Variants in GPX4 observed in about 807,000 individuals in gnomAD.
GPX4 encodes phospholipid hydroperoxide glutathione peroxidase GPX4.
In GPX4, 28 loss-of-function variants were observed where a neutral mutation model predicts 27.8. The ratio of observed to expected loss-of-function variants is 1.01; its 90% confidence interval spans 0.75 to 1.38. The LOEUF is 1.38. Among genes scored for constraint, GPX4 ranks in the 40% most tolerant of loss-of-function variants. GPX4 has a pLI of 0.00. For synonymous variants in GPX4, 163 were observed against 107.8 expected, an observed-to-expected ratio of 1.51 and a Z score of -3.17; for missense variants, 357 against 274.1, an observed-to-expected ratio of 1.30 and a Z score of -2.14.
At position 1,105,643 on chromosome 19, in the gene GPX4, C is replaced by G; in HGVS notation, c.325-15C>G. The G allele has an allele frequency of 6.2e-7, 1 of 1,611,578 alleles. No individual in the cohort carries two copies. Among genetic ancestry groups the G allele is most frequent in the Non-Finnish European group, 8.5e-7 (1 of 1,179,172 alleles). Reference sequence around the variant, plus strand: ...TGCCAGCCCCCGACTCACTCACACACCTTGGCCGCCACAGGAGCCAGGGAG... The same window carrying G: ...TGCCAGCCCCCGACTCACTCACACAGCTTGGCCGCCACAGGAGCCAGGGAG... On this transcript the variant is annotated splice_polypyrimidine_tract_variant and intron_variant, in intron 3 of 6. Transcript: ENST00000354171.
chr19:1,105,058 G>A (rs1313693746), intron 1 of GPX4, 128 bp from the exon 2 acceptor site: 3 of 1,479,240 alleles, frequency 2.0e-6, no homozygotes, highest in Non-Finnish European at 1.8e-6. Flanking sequence ...GAGGAGGAGC[G>A]TTCAGGTCTT....
intron 3 of GPX4, 22 bp downstream of exon 3, chr19:1,105,532 GC>G: frequency 7.5e-7 from 1 of 1,341,028 alleles, no homozygotes. Context: ...CGTCCCCGGG[GC>G]CCGCAGAGGC....
At position 1,106,396 on chromosome 19, in the gene GPX4, ACAGTTCCT is replaced by A. The variant is rs2079656641; in HGVS notation, c.502-1_508del. On this transcript the variant is annotated splice_acceptor_variant and splice_polypyrimidine_tract_variant and coding_sequence_variant and intron_variant, in exon 6 of 7. Transcript: ENST00000354171. LOFTEE classifies it high-confidence loss of function. The stretch of plus-strand genomic sequence containing the variant: ...CCCACAGTTTGGACACCGTCTCTCC[ACAGTTCCT>A]CATCGACAAGAACGGCTGCGTGGTG... The A allele has an allele frequency of 6.2e-7, 1 of 1,613,456 alleles. No homozygotes were observed. Among genetic ancestry groups the A allele is most frequent in the Non-Finnish European group, 8.5e-7 (1 of 1,179,912 alleles).
rs761888816 is a variant in GPX4 at position 1,105,750 on chromosome 19, C to T, written c.417C>T (p.Asp139=). The T allele has an allele frequency of 1.3e-5, 20 of 1,596,726 alleles. No homozygotes were observed. The highest frequency in any genetic ancestry group is 1.7e-4 in the Middle Eastern group (1 of 6,034). The change falls in exon 4 of 7, where the codon GAC becomes GAT. Residue 139 remains aspartate, a synonymous_variant. Coordinates refer to ENST00000354171, the MANE Select transcript of GPX4 (RefSeq NM_002085.5). ...GCAAGATCTGCGTGAACGGGGACGA[C>T]GCCCACCCGCTGTGGAAGTGGATGA... ...MFSKICVNGD[D]AHPLWKWMKI...
At position 1,106,544 on chromosome 19, in the gene GPX4, T is replaced by C. The variant is rs1322931515; in HGVS notation, c.566T>C (p.Ile189Thr). 3.7e-6 allele frequency: 6 copies of C among 1,613,000 alleles called. No individual in the cohort carries two copies. The African/African-American group carries it at 4.0e-5, about 11-fold the overall frequency. The change falls in exon 7 of 7, where the codon ATA becomes ACA. Residue 189 changes from isoleucine (I) to threonine (T), a missense_variant. Ile to Thr is a moderately conservative substitution (Grantham distance 89, BLOSUM62 -1). Coordinates refer to ENST00000354171, the MANE Select transcript of GPX4 (RefSeq NM_002085.5). Reference protein sequence around the residue: ...RYGPMEEPLVIEKDLPHYF With the variant: ...RYGPMEEPLVTEKDLPHYF Reference sequence around the variant, plus strand: ...CCCAGCTTTCCTCCCCGACAGGTGATAGAGAAGGACCTGCCCCACTATTTC... The same window carrying C: ...CCCAGCTTTCCTCCCCGACAGGTGACAGAGAAGGACCTGCCCCACTATTTC...
At chr19:1,105,949 C>T (rs2079647405) in intron 4 of GPX4, 140 bp downstream of exon 4, 12 of 1,062,886 alleles carry the variant, frequency 1.1e-5, no homozygotes, top group African/African-American at 1.6e-5. Flanking sequence ...CATCGCGTGG[C>T]CTCCTGGGGG....
At chr19:1,105,603 C>T in intron 3 of GPX4, 55 bp from the exon 4 acceptor site, 1 of 1,599,340 alleles carries the variant, frequency 6.3e-7, no homozygotes, top group Non-Finnish European at 8.5e-7. Context: ...GTGCAGGGGG[C>T]CCGGACTGAG....
intron 1 of GPX4, 196 bp from the exon 2 acceptor site, chr19:1,104,990 G>A (rs751836134): frequency 1.1e-5 from 16 of 1,467,972 alleles, no homozygotes; most frequent in Non-Finnish European, 1.4e-5. Context: ...ACCCTCTCCC[G>A]GCCTCCGGGT....
chr19:1,105,887 C>A, intron 4 of GPX4, 78 bp downstream of exon 4: 8 of 1,427,332 alleles, frequency 5.6e-6, no homozygotes, highest in South Asian at 2.5e-5. Context: ...CTCCCTGGGG[C>A]AGAATGGCTC....
Position 1,105,390 on chromosome 19 carries a change from C to G in GPX4, c.204C>G (p.Asn68Lys). ...KYRGFVCIVTNVASQUGKTEV... is the reference protein window; with the variant it reads ...KYRGFVCIVTKVASQUGKTEV... ...GGGGCTTCGTGTGCATCGTCACCAACGTGGCCTCCCAGTGAGGCAAGACCG... is the reference window on the plus strand; with the variant it reads ...GGGGCTTCGTGTGCATCGTCACCAAGGTGGCCTCCCAGTGAGGCAAGACCG... The change falls in exon 3 of 7, where the codon AAC becomes AAG. Residue 68 changes from asparagine (N) to lysine (K), a missense_variant. Coordinates refer to ENST00000354171, the MANE Select transcript of GPX4 (RefSeq NM_002085.5). The G allele has an allele frequency of 6.2e-7, 1 of 1,610,540 alleles. No individual in the cohort carries two copies. The highest frequency in any genetic ancestry group is 8.5e-7 in the Non-Finnish European group (1 of 1,178,064).
intron 4 of GPX4, 176 bp from the exon 5 acceptor site, chr19:1,106,066 G>T (rs2079649384): frequency 1.5e-6 from 1 of 685,696 alleles, no homozygotes; most frequent in African/African-American, 1.9e-5. Context: ...GGGGGCTGTT[G>T]GGACTCTCAC....
At position 1,106,263 on chromosome 19, in the gene GPX4, C is replaced by G. The variant is rs14283; in HGVS notation, c.498C>G (p.Thr166=). 3.8e-6 allele frequency: 6 copies of G among 1,599,268 alleles called. No homozygotes were observed. In the South Asian group the frequency reaches 4.4e-5, roughly 12 times the overall value. The stretch of plus-strand genomic sequence containing the variant: ...CCAGTGCCATCAAGTGGAACTTCAC[C>G]AAGGTAAGGGGGCTGTGGGGGGTAG... ...ILGNAIKWNF[T]KFLIDKNGCV... is the part of the protein sequence containing the mutation. Residue 166 remains threonine (T), a synonymous_variant, in exon 5 of 7, where the codon ACC becomes ACG. Transcript: ENST00000354171.
In GPX4 at chr19:1,106,662, G is replaced by A; in HGVS notation, c.*90G>A. ...ATGACGGCCTGCCTGCAAACCTGCT[G>A]GTGGGGCAGACCCGAAAATCCAGCG... On this transcript the variant is annotated 3_prime_UTR_variant, in exon 7 of 7. Transcript: ENST00000354171. 6.4e-7 allele frequency: 1 copy of A among 1,563,360 alleles called. No individual in the cohort carries two copies. The highest frequency in any genetic ancestry group is 1.1e-5 in the South Asian group (1 of 87,434).
chr19:1,106,531 C>T lies in GPX4; in HGVS notation c.562-9C>T. On this transcript the variant is annotated splice_polypyrimidine_tract_variant and intron_variant, in intron 6 of 6. Coordinates refer to ENST00000354171, the MANE Select transcript of GPX4 (RefSeq NM_002085.5). ...GTAGCTGCCCTAACCCAGCTTTCCT[C>T]CCCGACAGGTGATAGAGAAGGACCT... 6.2e-7 allele frequency: 1 copy of T among 1,613,116 alleles called. No homozygotes were observed. Among genetic ancestry groups the T allele is most frequent in the Non-Finnish European group, 8.5e-7 (1 of 1,179,658 alleles).
Position 1,106,615 on chromosome 19 carries a change from T to TCG in GPX4, c.*43_*44insCG. 1 of 1,611,572 alleles carries TCG rather than the reference T, an allele frequency of 6.2e-7. No individual in the cohort carries two copies. The highest frequency in any genetic ancestry group is 1.7e-5 in the Admixed American group (1 of 59,872). On this transcript the variant is annotated 3_prime_UTR_variant, in exon 7 of 7. Transcript: ENST00000354171. ...CCCGCCCGAGCCCCTGCCCACGCCCTTGGAGCCTTCCACCGGCACTCATGA... is the reference window on the plus strand; with the variant it reads ...CCCGCCCGAGCCCCTGCCCACGCCCTCGTGGAGCCTTCCACCGGCACTCATGA...
rs1599808500 is a variant in GPX4 at position 1,105,382 on chromosome 19, G to A, written c.196G>A (p.Val66Ile). 1 of 1,610,376 alleles carries A rather than the reference G, an allele frequency of 6.2e-7. No homozygotes were observed. The highest frequency in any genetic ancestry group is 8.5e-7 in the Non-Finnish European group (1 of 1,177,954). The change falls in exon 3 of 7, where the codon GTC (valine) becomes ATC (isoleucine). Residue 66 changes from valine (V) to isoleucine (I), a missense_variant. Val to Ile is a conservative substitution (Grantham distance 29, BLOSUM62 3). Transcript: ENST00000354171. ...TCCTCGCAGGGGCTTCGTGTGCATC[G>A]TCACCAACGTGGCCTCCCAGTGAGG... Reference protein sequence around the residue: ...LDKYRGFVCIVTNVASQUGKT... With the variant: ...LDKYRGFVCIITNVASQUGKT...
chr19:1,106,174 G>C, intron 4 of GPX4, 68 bp from the exon 5 acceptor site: 10 of 1,459,036 alleles, frequency 6.9e-6, no homozygotes, highest in Non-Finnish European at 9.3e-6. Context: ...TGGCCTCCTG[G>C]AGACAGGACA....
chr19:1,106,417 C>A lies in GPX4; in HGVS notation c.519C>A (p.Asn173Lys), dbSNP rs531600656. The A allele has an allele frequency of 6.2e-7, 1 of 1,613,524 alleles. No individual in the cohort carries two copies. Among genetic ancestry groups the A allele is most frequent in the Admixed American group, 1.7e-5 (1 of 60,012 alleles). ...CTCCACAGTTCCTCATCGACAAGAA[C>A]GGCTGCGTGGTGAAGCGCTACGGAC... ...WNFTKFLIDK[N>K]GCVVKRYGPM... The change falls in exon 6 of 7, where the codon AAC becomes AAA. Residue 173 changes from asparagine to lysine, a missense_variant. By Grantham distance (94) the Asn-to-Lys change is moderately conservative (BLOSUM62 0). Coordinates refer to ENST00000354171, the MANE Select transcript of GPX4 (RefSeq NM_002085.5).
chr19:1,105,330 C>G (rs760967203), intron 2 of GPX4, 36 bp from the exon 3 acceptor site: 5 of 1,612,424 alleles, frequency 3.1e-6, no homozygotes, highest in Non-Finnish European at 4.2e-6. Context: ...GGGAGGGGGC[C>G]GTGTTCTTCT....
Sources: allele counts gnomAD v4.1 joint callset, GRCh38; gene constraint gnomAD v4.1.1; transcripts MANE v1.5; gene names NCBI Gene and HGNC (gene_info 2026-07-23, HGNC 2026-07-21).